Variants in RAB29 observed in about 807,000 individuals in gnomAD.
RAB29 encodes the protein ras-related protein Rab-29.
A neutral mutation model predicts 25.5 loss-of-function variants in RAB29; 13 were observed. The ratio of observed to expected loss-of-function variants is 0.51; its 90% CI spans 0.33 to 0.81. RAB29 has a LOEUF of 0.81. Among genes scored for constraint, RAB29 ranks in the 30% least tolerant of loss-of-function variants. The probability of loss-of-function intolerance (pLI) is 0.02; values close to 1 mark genes in which losing one functional copy is unlikely to be tolerated. For missense variants in RAB29, 201 were observed against 254.9 expected, an observed-to-expected ratio of 0.79 and a Z score of 1.44; for synonymous variants, 88 against 95.0, an observed-to-expected ratio of 0.93 and a Z score of 0.43.
chr1:205,772,320 C>T (rs1334181282), intron 3 of RAB29, among the ~76,000 whole-genome samples, 176 bp downstream of exon 3: 1 of 152,152 alleles, frequency 6.6e-6, no homozygotes, highest in East Asian at 1.9e-4. Context: ...CAGATCTATT[C>T]AGGGCAAAAC....
intron 2 of RAB29, 61 bp from the exon 3 acceptor site, chr1:205,772,628 A>T: frequency 6.8e-7 from 1 of 1,468,268 alleles, no homozygotes; most frequent in Non-Finnish European, 9.5e-7. Context: ...AATAGGGATA[A>T]ACTCAAATCA....
At position 205,771,572 on chromosome 1, in the gene RAB29, G is replaced by A; in HGVS notation, c.278C>T (p.Ala93Val). 6.2e-7 allele frequency: 1 copy of A among 1,613,942 alleles called. No homozygotes were observed. Among genetic ancestry groups the A allele is most frequent in the Non-Finnish European group, 8.5e-7 (1 of 1,179,826 alleles). ...ACVIMFDVTNATTFSNSQRWK... is the reference protein window; with the variant it reads ...ACVIMFDVTNVTTFSNSQRWK... ...CCTCTGGCTGTTGCTGAAGGTAGTG[G>A]CATTGGTAACGTCAAACATAATAAC... The change falls in exon 4 of 6, where the codon GCC becomes GTC. Residue 93 changes from alanine (A) to valine (V), a missense_variant. Transcript: ENST00000367139.
At position 205,768,095 on chromosome 1, in the gene RAB29, A is replaced by G. The variant is rs1383931203; in HGVS notation, c.*2247T>C. On this transcript the variant is annotated 3_prime_UTR_variant, in exon 6 of 6. Transcript: ENST00000367139. Reference sequence around the variant, plus strand: ...AATTCACTATTTCACTATTATCTTCAGAATCATAGTGATCAAAACCCTACC... The same window carrying G: ...AATTCACTATTTCACTATTATCTTCGGAATCATAGTGATCAAAACCCTACC... The G allele has an allele frequency of 2.6e-5, 4 of 152,222 alleles. No homozygotes were observed. The highest frequency in any genetic ancestry group is 5.9e-5 in the Non-Finnish European group (4 of 68,044). 9.4% of individuals were successfully genotyped at this position (152,222 alleles called of 1,614,324 possible).
chr1:205,770,524 T>G, intron 5 of RAB29, 71 bp from the exon 6 acceptor site: 1 of 1,454,442 alleles, frequency 6.9e-7, no homozygotes, highest in Non-Finnish European at 9.6e-7. Flanking sequence ...GTAGTCTGAC[T>G]TATCATCAGA....
intron 5 of RAB29, 114 bp downstream of exon 5, chr1:205,770,619 T>C: frequency 6.5e-6 from 10 of 1,530,172 alleles, no homozygotes; most frequent in Non-Finnish European, 8.9e-6. Flanking sequence ...CTTTAGGGGC[T>C]AGCATTCCAA....
At chr1:205,772,848 A>G (rs984763320) in intron 2 of RAB29, among the ~76,000 whole-genome samples, 40 of 151,882 alleles carry the variant, frequency 2.6e-4, no homozygotes, top group Admixed American at 2.5e-3. Context: ...GGGAGTAACT[A>G]TGAAAACAAT....
rs1232777736 is a variant in RAB29 at position 205,775,465 on chromosome 1, AG to A, written c.-324del. 1.3e-5 allele frequency: 2 copies of A among 153,806 alleles called. No individual in the cohort carries two copies. The highest frequency in any genetic ancestry group is 6.5e-5 in the Admixed American group (1 of 15,394). The allele number at this position is 153,806 out of a possible 1,614,324, so 9.5% of individuals were successfully genotyped here. A position where few individuals can be genotyped will look rare whatever the true frequency, so the allele number is the denominator to read the frequency against. ...CCCTTCCTCCGCAAGCGTCACGTGC[AG>A]GGTTGCCTGTGGCACTACATTTCCC... On this transcript the variant is annotated 5_prime_UTR_variant, in exon 1 of 6. Transcript: ENST00000367139.
At chr1:205,770,986 C>T (rs1654965178) in intron 4 of RAB29, 132 bp from the exon 5 acceptor site, 1 of 1,241,766 alleles carries the variant, frequency 8.1e-7, no homozygotes, top group Admixed American at 2.2e-5. Context: ...AATCTATAAT[C>T]AACATTCTTC....
Position 205,770,322 on chromosome 1 carries a change from G to GC in RAB29, c.*19_*20insG, listed in dbSNP as rs1190350545. 3 of 1,597,996 alleles carry GC rather than the reference G, an allele frequency of 1.9e-6. No individual in the cohort carries two copies. In the East Asian group the frequency reaches 6.7e-5, roughly 36 times the overall value. On this transcript the variant is annotated 3_prime_UTR_variant, in exon 6 of 6. Transcript: ENST00000367139. Reference sequence around the variant, plus strand: ...TTAAAAGACCTCCCAGAACTGGGATGGAAAATAAGCCAAACACTACTAGCA... The same window carrying GC: ...TTAAAAGACCTCCCAGAACTGGGATGCGAAAATAAGCCAAACACTACTAGCA...
intron 4 of RAB29, chr1:205,771,152 A>G (rs1456150757): frequency 4.3e-6 from 2 of 461,948 alleles, no homozygotes; most frequent in Non-Finnish European, 7.9e-6. Context: ...CAAAAAAATT[A>G]GCTGGGTGTG....
chr1:205,773,662 G>A (rs1372246819), intron 2 of RAB29, among the ~76,000 whole-genome samples: 2 of 151,904 alleles, frequency 1.3e-5, no homozygotes, highest in Admixed American at 6.6e-5. Context: ...CTGGGACCAC[G>A]GCTACTTTCT....
At chr1:205,774,268 G>A (rs1451013622) in intron 2 of RAB29, among the ~76,000 whole-genome samples, 2 of 152,238 alleles carry the variant, frequency 1.3e-5, no homozygotes, top group African/African-American at 2.4e-5. Context: ...GCGTAGCCAA[G>A]GGGCTCGTTC....
chr1:205,771,046 C>G (rs1654968553), intron 4 of RAB29, 192 bp from the exon 5 acceptor site: 1 of 711,214 alleles, frequency 1.4e-6, no homozygotes, highest in Non-Finnish European at 2.2e-6. Flanking sequence ...CGCCTGTAAT[C>G]CCAGCACTTT....
In RAB29 at chr1:205,768,990, T is replaced by G. The variant is rs1654852678; in HGVS notation, c.*1352A>C. On this transcript the variant is annotated 3_prime_UTR_variant, in exon 6 of 6. Transcript: ENST00000367139. ...GAGTTTAGTAAGAATATCGATAACT[T>G]TGGGTAGGTTATAAATCACCATCCT... 1 of 152,192 alleles carries G rather than the reference T, an allele frequency of 6.6e-6. No homozygotes were observed. Among genetic ancestry groups the G allele is most frequent in the African/African-American group, 2.4e-5 (1 of 41,462 alleles). The allele number at this position is 152,192 out of a possible 1,614,324, so 9.4% of individuals were successfully genotyped here.
intron 2 of RAB29, 40 bp downstream of exon 2, chr1:205,774,793 C>T (rs1284608660): frequency 3.2e-6 from 4 of 1,245,176 alleles, no homozygotes; most frequent in African/African-American, 3.0e-5. Context: ...GTCGGGGCCT[C>T]CTCCTCCCCC....
Position 205,771,661 on chromosome 1 carries a change from G to A in RAB29, c.197-8C>T. ...AGGTGAAGCGCTCCTGCCCTGGGGA[G>A]AAAGGGGAGAGTTCTCAAGGTGACC... On this transcript the variant is annotated splice_polypyrimidine_tract_variant and splice_region_variant and intron_variant, in intron 3 of 5. Coordinates refer to ENST00000367139, the MANE Select transcript of RAB29 (RefSeq NM_003929.3). The A allele has an allele frequency of 6.2e-7, 1 of 1,613,304 alleles. No homozygotes were observed. Among genetic ancestry groups the A allele is most frequent in the East Asian group, 2.2e-5 (1 of 44,874 alleles).
intron 2 of RAB29, among the ~76,000 whole-genome samples, chr1:205,774,455 G>A (rs1349071902): frequency 6.6e-6 from 1 of 152,216 alleles, no homozygotes; most frequent in African/African-American, 2.4e-5. Context: ...GCCCCACAGA[G>A]GATCTCAGCT....
At chr1:205,774,795 T>TCCACCC in intron 2 of RAB29, 38 bp downstream of exon 2, 1 of 860,522 alleles carries the variant, frequency 1.2e-6, no homozygotes, top group Non-Finnish European at 1.8e-6. Context: ...CGGGGCCTCC[T>TCCACCC]CCTCCCCCTC....
At chr1:205,773,936 C>T (rs1477633028) in intron 2 of RAB29, among the ~76,000 whole-genome samples, 1 of 152,150 alleles carries the variant, frequency 6.6e-6, no homozygotes, top group Non-Finnish European at 1.5e-5. Context: ...CCCCTTGAAA[C>T]AAGTTCTTTT....
Sources: gnomAD v4.1 joint callset for allele counts (sites outside exome capture counted in the v4.1 genomes callset) on GRCh38, gnomAD v4.1.1 for gene constraint, MANE v1.5 for transcripts, NCBI Gene and HGNC (gene_info 2026-07-23, HGNC 2026-07-21) for gene names.